ZNF469: variants seen among roughly 807,000 people sequenced by gnomAD.
ZNF469 encodes the protein zinc finger protein 469.
Under a neutral mutation model 1.0 loss-of-function variants are expected in ZNF469, and 1 was observed. The ratio of observed to expected loss-of-function variants is 1.00; its 90% CI spans 0.35 to 4.73. The LOEUF (loss-of-function observed/expected upper bound fraction) is 4.73. Ranked by LOEUF, ZNF469 falls within the 30% of genes most tolerant of loss-of-function variation. The pLI is 0.16. For synonymous variants in ZNF469, 2,703 were observed against 2,363.4 expected, an observed-to-expected ratio of 1.14 and a Z score of -4.17; for missense variants, 6,100 against 5,356.3, an observed-to-expected ratio of 1.14 and a Z score of -4.33.
chr16:88,118,031 C>G, the ZNF469 span, among the ~76,000 whole-genome samples: 1 of 152,246 alleles, frequency 6.6e-6, no homozygotes, highest in African/African-American at 2.4e-5. Context: ...CAACCTCCGC[C>G]TCCTGGATTC....
rs914876079 is a variant in ZNF469, at chr16:88,436,939, G to C, written c.9469G>C (p.Glu3157Gln). 1.3e-6 allele frequency: 2 copies of C among 1,492,740 alleles called. No homozygotes were observed. The highest frequency in any genetic ancestry group is 1.8e-6 in the Non-Finnish European group (2 of 1,122,688). The allele number at this position is 1,492,740 out of a possible 1,614,324, so 92.5% of individuals were successfully genotyped here. ...CGTGGAGCGCAGGTTTGGCTCGCGGGAGCTGCTGCGGGGGCACCTGCAGGA... is the reference window on the plus strand; with the variant it reads ...CGTGGAGCGCAGGTTTGGCTCGCGGCAGCTGCTGCGGGGGCACCTGCAGGA... ...MCVERRFGSR[E>Q]LLRGHLQERH... Residue 3157 changes from glutamate (E) to glutamine (Q), a missense_variant, in exon 3 of 3, where the codon GAG becomes CAG. Glu to Gln is a conservative substitution (Grantham distance 29). Transcript: ENST00000565624.
the ZNF469 span, among the ~76,000 whole-genome samples, chr16:88,347,261 A>G: frequency 6.6e-6 from 1 of 152,240 alleles, no homozygotes; most frequent in East Asian, 1.9e-4. Flanking sequence ...CGATCCCCCA[A>G]AAGACGTCAG....
the ZNF469 span, among the ~76,000 whole-genome samples, chr16:88,114,999 G>A: frequency 6.6e-6 from 1 of 152,216 alleles, no homozygotes; most frequent in Non-Finnish European, 1.5e-5. Context: ...CGGGGAAGCA[G>A]AACCCAGAGG....
At chr16:88,215,383 A>ACTTTTTTTTTTTTTTTTTTTTTTTT in the ZNF469 span, among the ~76,000 whole-genome samples, 2 of 94,188 alleles carry the variant, frequency 2.1e-5, no homozygotes, top group Non-Finnish European at 1.9e-5. Context: ...TTGCCTTTTA[A>ACTTTTTTTTTTTTTTTTTTTTTTTT]TTTTTTTTTT....
chr16:88,211,572 T>A, the ZNF469 span, among the ~76,000 whole-genome samples: 1 of 152,206 alleles, frequency 6.6e-6, no homozygotes, highest in Non-Finnish European at 1.5e-5. Flanking sequence ...CATGTTTCTC[T>A]GATGTGTACT....
chr16:88,279,161 C>T, the ZNF469 span, among the ~76,000 whole-genome samples: 1,928 of 31,158 alleles, frequency 0.062, 3 homozygotes, highest in African/African-American at 0.091. Flanking sequence ...TGGTCAGTAC[C>T]GTGTAGATAT....
chr16:88,329,385 C>T, the ZNF469 span, among the ~76,000 whole-genome samples: 1 of 152,240 alleles, frequency 6.6e-6, no homozygotes, highest in Non-Finnish European at 1.5e-5. Context: ...GATTTAATTC[C>T]TCCCACCAAC....
chr16:88,150,990 G>A, the ZNF469 span, among the ~76,000 whole-genome samples: 1 of 152,130 alleles, frequency 6.6e-6, no homozygotes, highest in Non-Finnish European at 1.5e-5. Flanking sequence ...AAGAAGTCCA[G>A]GAAGAAAGTG....
chr16:88,330,786 C>G, the ZNF469 span, among the ~76,000 whole-genome samples: 1 of 152,238 alleles, frequency 6.6e-6, no homozygotes, highest in Admixed American at 6.5e-5. Context: ...CGCATGCTAC[C>G]TGTTTGCCAC....
chr16:88,430,024 GAGTACC>G lies in ZNF469; in HGVS notation c.2558_2563del (p.Tyr853_Gln854del). ...CATCACAGAGGCGCTCAACGGCATG[GAGTACC>G]AGTCGGACAACCCGGAGATCGACAG... On this transcript the variant is annotated inframe_deletion, in exon 3 of 3. Coordinates refer to ENST00000565624, the MANE Select transcript of ZNF469 (RefSeq NM_001367624.2). 6.4e-7 allele frequency: 1 copy of G among 1,550,404 alleles called. No homozygotes were observed. Among genetic ancestry groups the G allele is most frequent in the Non-Finnish European group, 8.7e-7 (1 of 1,146,982 alleles).
chr16:88,264,978 G>C, the ZNF469 span, among the ~76,000 whole-genome samples: 1 of 152,116 alleles, frequency 6.6e-6, no homozygotes, highest in East Asian at 1.9e-4. Flanking sequence ...TCTGTGCTCA[G>C]CAAGGGAGAC....
the ZNF469 span, among the ~76,000 whole-genome samples, chr16:88,253,063 T>C: frequency 7.2e-5 from 11 of 152,152 alleles, no homozygotes; most frequent in African/African-American, 2.7e-4. Flanking sequence ...TGAGCAAGAG[T>C]CCATGGGATG....
At chr16:88,349,178 C>T in the ZNF469 span, among the ~76,000 whole-genome samples, 1 of 152,176 alleles carries the variant, frequency 6.6e-6, no homozygotes, top group African/African-American at 2.4e-5. Context: ...TCCAGACACC[C>T]AGGCCGGTGC....
the ZNF469 span, among the ~76,000 whole-genome samples, chr16:88,152,938 C>G: frequency 6.6e-6 from 1 of 152,218 alleles, no homozygotes; most frequent in Non-Finnish European, 1.5e-5. This position sits in a 1 kb window ranked among gnomAD's most constrained non-coding sequence, Gnocchi z 4.2. Context: ...AATGCCGTCT[C>G]CTCCACCTCA....
chr16:88,184,923 G>C, the ZNF469 span, among the ~76,000 whole-genome samples: 67,899 of 151,788 alleles, frequency 0.45, 16,113 homozygotes, highest in African/African-American at 0.6. Context: ...ACAATAGGCT[G>C]TTATGCACAG....
rs920742558 is a variant in ZNF469 at position 88,428,384 on chromosome 16, C to T, written c.914C>T (p.Ala305Val). The change falls in exon 3 of 3, where the codon GCC becomes GTC. Residue 305 changes from alanine (A) to valine (V), a missense_variant. Coordinates refer to ENST00000565624, the MANE Select transcript of ZNF469 (RefSeq NM_001367624.2). Reference protein sequence around the residue: ...HAFTNGPLVFAFHQPQGAWPE... With the variant: ...HAFTNGPLVFVFHQPQGAWPE... ...TTCACCAATGGGCCACTGGTGTTTG[C>T]CTTCCATCAGCCCCAGGGAGCGTGG... is the stretch of plus-strand genomic sequence containing the variant. 1 of 1,548,534 alleles carries T rather than the reference C, an allele frequency of 6.5e-7. No individual in the cohort carries two copies. Among genetic ancestry groups the T allele is most frequent in the Non-Finnish European group, 8.7e-7 (1 of 1,146,870 alleles).
chr16:88,323,980 G>T, the ZNF469 span, among the ~76,000 whole-genome samples: 1 of 152,226 alleles, frequency 6.6e-6, no homozygotes, highest in African/African-American at 2.4e-5. Flanking sequence ...ACCAAGCAGA[G>T]TTACTTATTT....
At chr16:88,211,855 G>A in the ZNF469 span, among the ~76,000 whole-genome samples, 4 of 152,042 alleles carry the variant, frequency 2.6e-5, no homozygotes, top group Non-Finnish European at 4.4e-5. Flanking sequence ...TGATGCAAGG[G>A]GCATGAAAAT....
rs1288062555 is a variant in ZNF469 at position 88,434,493 on chromosome 16, G to C, written c.7023G>C (p.Glu2341Asp). The change falls in exon 3 of 3, where the codon GAG becomes GAC. Residue 2341 changes from glutamate (E) to aspartate (D), a missense_variant. By Grantham distance (45) the Glu-to-Asp change is conservative. Coordinates refer to ENST00000565624, the MANE Select transcript of ZNF469 (RefSeq NM_001367624.2). ...ATACTGCCCGCCTCGGCCACAGGGA[G>C]GGCCAGGCTGTCACAGCTGTGCCCA... ...PSNTARLGHR[E>D]GQAVTAVPTE... 1.3e-6 allele frequency: 2 copies of C among 1,550,172 alleles called. No individual in the cohort carries two copies. Among genetic ancestry groups the C allele is most frequent in the Admixed American group, 2.0e-5 (1 of 51,014 alleles).
Sources: gnomAD v4.1 joint callset for allele counts (sites outside exome capture counted in the v4.1 genomes callset) on GRCh38, gnomAD v4.1.1 for gene constraint, Gnocchi (gnomAD v3.1) non-coding constraint, MANE v1.5 for transcripts, NCBI Gene and HGNC (gene_info 2026-07-23, HGNC 2026-07-21) for gene names.